Variants in RANBP2 observed in about 807,000 individuals in gnomAD.
The protein encoded by RANBP2 is E3 SUMO-protein ligase RanBP2.
In RANBP2, 57 loss-of-function variants were observed where a neutral mutation model predicts 303.6. The ratio of observed to expected loss-of-function variants is 0.19; its 90% confidence interval spans 0.15 to 0.23. The LOEUF (loss-of-function observed/expected upper bound fraction) is 0.23. Among genes scored for constraint, RANBP2 ranks in the 10% least tolerant of loss-of-function variants. The pLI is 1.00. For missense variants in RANBP2, 3,138 were observed against 3,780.8 expected, an observed-to-expected ratio of 0.83 and a Z score of 4.46; for synonymous variants, 1,167 against 1,301.5, an observed-to-expected ratio of 0.90 and a Z score of 2.23.
chr2:108,945,806 A>G, the RANBP2 span, among the ~76,000 whole-genome samples: 2 of 152,332 alleles, frequency 1.3e-5, no homozygotes, highest in Admixed American at 6.5e-5. Context: ...TAAGCCAGTC[A>G]TGAAAGGACA....
the RANBP2 span, among the ~76,000 whole-genome samples, chr2:109,506,414 G>A: frequency 6.6e-6 from 1 of 152,222 alleles, no homozygotes; most frequent in Non-Finnish European, 1.5e-5. Flanking sequence ...AGGTGGCCAT[G>A]GCACAAGACA....
chr2:109,391,499 G>A, the RANBP2 span, among the ~76,000 whole-genome samples: 1 of 152,230 alleles, frequency 6.6e-6, no homozygotes, highest in Admixed American at 6.5e-5. Context: ...CTCCTGCAGT[G>A]CTCTAGTGTT....
At chr2:109,339,387 G>T in the RANBP2 span, among the ~76,000 whole-genome samples, 1 of 152,240 alleles carries the variant, frequency 6.6e-6, no homozygotes, top group Admixed American at 6.5e-5. Flanking sequence ...GGAATCCTCT[G>T]CCTTTAGTCC....
At chr2:108,788,456 C>CGTGA (rs1679316443), downstream of RANBP2, among the ~76,000 whole-genome samples, 2 of 151,412 alleles carry the variant, frequency 1.3e-5, no homozygotes, top group Non-Finnish European at 2.9e-5. Flanking sequence ...CGGTGGCTCA[C>CGTGA]GCCTGTAATC....
chr2:109,348,002 C>G, the RANBP2 span: 1 of 1,542,050 alleles, frequency 6.5e-7, no homozygotes, highest in Non-Finnish European at 8.8e-7. Context: ...TCTGTGCCAC[C>G]CAGGGCTCTT....
At chr2:108,958,240 C>T in the RANBP2 span, among the ~76,000 whole-genome samples, 1 of 152,144 alleles carries the variant, frequency 6.6e-6, no homozygotes, top group Non-Finnish European at 1.5e-5. Flanking sequence ...AAGATTTATA[C>T]CTGACACCTT....
rs762690329 is a variant in RANBP2, at chr2:108,755,025, A to G, written c.2323A>G (p.Ile775Val). Residue 775 changes from isoleucine to valine, a missense_variant, in exon 16 of 29, where the codon ATA becomes GTA. Around this residue, in one of 20 missense-constraint regions of RANBP2, gnomAD observed 194 missense variants for 197.4 expected, o/e 0.98. Transcript: ENST00000283195. ...TTCTTTGCGAAATGCAGATTCAGAA[A>G]TAAAACATTCTACACCGTCTCCTAC... ...NGSLRNADSE[I>V]KHSTPSPTRY... 4 of 1,611,832 alleles carry G rather than the reference A, an allele frequency of 2.5e-6. No homozygotes were observed. In the African/African-American group the frequency reaches 5.3e-5, roughly 22 times the overall value.
At chr2:109,480,230 G>A in the RANBP2 span, among the ~76,000 whole-genome samples, 1 of 152,234 alleles carries the variant, frequency 6.6e-6, no homozygotes, top group African/African-American at 2.4e-5. Flanking sequence ...CTGTAGCCTT[G>A]TTGATGACCA....
At chr2:109,580,871 ACAGCGCCTGGC>A in the RANBP2 span, among the ~76,000 whole-genome samples, 1 of 152,184 alleles carries the variant, frequency 6.6e-6, no homozygotes, top group Non-Finnish European at 1.5e-5. Flanking sequence ...CAAAGACAGC[ACAGCGCCTGGC>A]CATTCACTGA....
chr2:109,230,365 C>T, the RANBP2 span, among the ~76,000 whole-genome samples: 1 of 151,898 alleles, frequency 6.6e-6, no homozygotes, highest in South Asian at 2.1e-4. Context: ...TCTCTTGAGG[C>T]CAGGAGTTTG....
the RANBP2 span, among the ~76,000 whole-genome samples, chr2:109,399,623 T>C: frequency 6.6e-6 from 1 of 152,072 alleles, no homozygotes; most frequent in Non-Finnish European, 1.5e-5. Context: ...AATCAGTCAA[T>C]CAATAAAATA....
At chr2:109,164,124 C>T in the RANBP2 span, among the ~76,000 whole-genome samples, 1 of 152,042 alleles carries the variant, frequency 6.6e-6, no homozygotes. Flanking sequence ...TCTGTTAAAT[C>T]CTTAAGGAAT....
the RANBP2 span, among the ~76,000 whole-genome samples, chr2:109,530,418 C>T: frequency 0.029 from 4,345 of 152,192 alleles, 220 homozygotes; most frequent in African/African-American, 0.098. Context: ...GAAGTGAGGA[C>T]GGATTTGCAA....
chr2:109,613,985 T>G, the RANBP2 span: 2 of 1,150,550 alleles, frequency 1.7e-6, no homozygotes, highest in Middle Eastern at 3.5e-4. Context: ...GGGGCCGAGC[T>G]GGAGGCCTCC....
the RANBP2 span, chr2:109,251,338 G>A: frequency 1.9e-6 from 1 of 515,354 alleles, no homozygotes; most frequent in Non-Finnish European, 3.6e-6. Flanking sequence ...TTAGAGAGAT[G>A]CAAGACACCC....
chr2:109,130,510 G>A, the RANBP2 span, among the ~76,000 whole-genome samples: 3 of 152,160 alleles, frequency 2.0e-5, no homozygotes, highest in South Asian at 2.1e-4. Context: ...AGCCCTTAAC[G>A]TTTCTGACAG....
At chr2:109,169,646 A>G in the RANBP2 span, among the ~76,000 whole-genome samples, 1 of 152,264 alleles carries the variant, frequency 6.6e-6, no homozygotes, top group East Asian at 1.9e-4. Flanking sequence ...GGGTTGGGCA[A>G]TGTATTTGAA....
At chr2:109,421,644 C>T in the RANBP2 span, among the ~76,000 whole-genome samples, 1 of 152,220 alleles carries the variant, frequency 6.6e-6, no homozygotes, top group Admixed American at 6.5e-5. Context: ...TCCACCTTCT[C>T]CCTCTGGGCT....
At chr2:109,663,406 T>C in the RANBP2 span, among the ~76,000 whole-genome samples, 1 of 152,166 alleles carries the variant, frequency 6.6e-6, no homozygotes, top group East Asian at 1.9e-4. Flanking sequence ...CACTGTGGAG[T>C]ACCTACTGTG....
Sources: allele counts gnomAD v4.1 joint callset (sites outside exome capture counted in the v4.1 genomes callset), GRCh38; gene constraint gnomAD v4.1.1; regional missense constraint gnomAD v4.1.1; transcripts MANE v1.5; gene names NCBI Gene and HGNC (gene_info 2026-07-23, HGNC 2026-07-21).